RGS7: variants seen among roughly 807,000 people sequenced by gnomAD.
The protein encoded by RGS7 is regulator of G protein signaling 7, also known as regulator of G-protein signaling 7.
In RGS7, 27 loss-of-function variants were observed where a neutral mutation model predicts 81.1. The observed-to-expected ratio is 0.33, with a 90% CI of 0.25 to 0.46. The LOEUF is 0.46. RGS7 is among the 20% of genes least tolerant of loss of function. The probability of loss-of-function intolerance (pLI) is 1.00; values close to 1 mark genes in which losing one functional copy is unlikely to be tolerated. For synonymous variants in RGS7, 208 were observed against 207.7 expected, an observed-to-expected ratio of 1.00 and a Z score of -0.01; for missense variants, 396 against 607.4, an observed-to-expected ratio of 0.65 and a Z score of 3.66.
chr1:241,135,746 T>C (rs2067462254), intron 2 of RGS7, among the ~76,000 whole-genome samples: 2 of 152,118 alleles, frequency 1.3e-5, no homozygotes, highest in African/African-American at 4.8e-5. Context: ...GCCGGCCTCG[T>C]GTCTATTAAA....
intron 2 of RGS7, among the ~76,000 whole-genome samples, chr1:241,352,998 A>G (rs6684948): frequency 0.97 from 147,998 of 152,304 alleles, 72,048 homozygotes; most frequent in East Asian, 1. Flanking sequence ...CACCACGAAT[A>G]TTCCCAGTTC....
At position 241,294,866 on chromosome 1, in the gene RGS7, C is replaced by T. The variant is rs575935704; in HGVS notation, c.78+60833G>A. ...AAGTCCAGGTGTGTAGGAGGCTACA[C>T]CATCTAGGTTTGTGTAAGTACACGC... On this transcript the variant is annotated intron_variant, in intron 2 of 18. Coordinates refer to ENST00000440928, the MANE Select transcript of RGS7 (RefSeq NM_001364886.1). 2.0e-5 allele frequency among the ~76,000 whole-genome samples: 3 copies of T among 152,128 alleles called. No individual in the cohort carries two copies. The South Asian group carries it at 6.2e-4, about 32-fold the overall frequency.
At chr1:241,228,019 G>A (rs2075422269) in intron 2 of RGS7, among the ~76,000 whole-genome samples, 1 of 152,160 alleles carries the variant, frequency 6.6e-6, no homozygotes, top group Admixed American at 6.5e-5. Context: ...ACAGGAGGTG[G>A]TGGTGAAAGT....
chr1:240,927,423 T>C (rs1674645518), intron 6 of RGS7, among the ~76,000 whole-genome samples: 1 of 152,158 alleles, frequency 6.6e-6, no homozygotes, highest in Admixed American at 6.5e-5. Context: ...AAAGTTGTCT[T>C]AGAAAAGACA....
At chr1:241,300,626 C>T (rs1307048254) in intron 2 of RGS7, among the ~76,000 whole-genome samples, 1 of 152,166 alleles carries the variant, frequency 6.6e-6, no homozygotes, top group East Asian at 1.9e-4. Context: ...AATAATATTC[C>T]ATTGTCTGGA....
intron 9 of RGS7, among the ~76,000 whole-genome samples, chr1:240,853,680 C>T (rs1660511146): frequency 6.6e-6 from 1 of 151,912 alleles, no homozygotes; most frequent in Admixed American, 6.6e-5. Flanking sequence ...CCGAGGCGGG[C>T]TGATCACGAG....
intron 2 of RGS7, among the ~76,000 whole-genome samples, chr1:241,195,460 G>C (rs141894093): frequency 6.6e-6 from 1 of 151,918 alleles, no homozygotes; most frequent in African/African-American, 2.4e-5. Context: ...TGGGTGAAAA[G>C]AGCAAGACTC....
chr1:241,190,389 T>C (rs934881880), intron 2 of RGS7, among the ~76,000 whole-genome samples: 1 of 152,100 alleles, frequency 6.6e-6, no homozygotes, highest in African/African-American at 2.4e-5. Flanking sequence ...AGAATTATGT[T>C]AAATCTGTAT....
At chr1:240,907,566 A>C (rs1671027388) in intron 6 of RGS7, among the ~76,000 whole-genome samples, 1 of 152,184 alleles carries the variant, frequency 6.6e-6, no homozygotes, top group Admixed American at 6.5e-5. Flanking sequence ...ACTTGAGCTT[A>C]AAAGGAGTAT....
intron 4 of RGS7, among the ~76,000 whole-genome samples, chr1:240,948,291 T>C (rs1252851160): frequency 6.6e-6 from 1 of 152,176 alleles, no homozygotes; most frequent in Non-Finnish European, 1.5e-5. Flanking sequence ...TGATCTACTC[T>C]CTGACAGTGA....
In RGS7 at chr1:240,836,600, C is replaced by T. The variant is rs538402022; in HGVS notation, c.610-9428G>A. On this transcript the variant is annotated intron_variant, in intron 9 of 18. Transcript: ENST00000440928. Reference sequence around the variant, plus strand: ...AAAGAAGAGAGGAATCCAAAATGATCCCTGGGTTGTATTTACATACAATGT... The same window carrying T: ...AAAGAAGAGAGGAATCCAAAATGATTCCTGGGTTGTATTTACATACAATGT... Among the ~76,000 whole-genome samples the T allele has an allele frequency of 9.4e-4, 143 of 152,290 alleles. 1 individual carries two copies. The South Asian group carries it at 0.013, about 14-fold the overall frequency.
intron 2 of RGS7, among the ~76,000 whole-genome samples, chr1:241,158,246 A>C (rs1277872450): frequency 1.3e-5 from 2 of 152,216 alleles, no homozygotes; most frequent in Non-Finnish European, 2.9e-5. Flanking sequence ...TATGTTTACT[A>C]TCTGGCCCTT....
At chr1:240,943,874 G>A (rs1488060257) in intron 4 of RGS7, among the ~76,000 whole-genome samples, 2 of 152,072 alleles carry the variant, frequency 1.3e-5, no homozygotes, top group African/African-American at 4.8e-5. Context: ...GAATAACAGG[G>A]ACAGAGAGAG....
intron 4 of RGS7, among the ~76,000 whole-genome samples, chr1:240,937,342 T>G (rs1464962355): frequency 1.6e-4 from 24 of 152,212 alleles, no homozygotes; most frequent in Admixed American, 1.4e-3. Flanking sequence ...TCGTTTTCCT[T>G]GCGACTCCCA....
At chr1:241,220,154 G>C (rs1356102826) in intron 2 of RGS7, among the ~76,000 whole-genome samples, 1 of 152,156 alleles carries the variant, frequency 6.6e-6, no homozygotes. Flanking sequence ...AGACCATGGA[G>C]AAAATGTATT....
intron 9 of RGS7, among the ~76,000 whole-genome samples, chr1:240,838,133 G>A (rs914474805): frequency 3.3e-5 from 5 of 152,114 alleles, no homozygotes; most frequent in East Asian, 1.9e-4. Flanking sequence ...TATTTCTCAC[G>A]GTTCTGGAGG....
intron 2 of RGS7, among the ~76,000 whole-genome samples, chr1:241,117,110 G>A (rs1286235978): frequency 6.6e-6 from 1 of 151,952 alleles, no homozygotes; most frequent in South Asian, 2.1e-4. Flanking sequence ...AAAAAAACAC[G>A]GCAAAAATGC....
rs962603195 is a variant in RGS7 at position 240,804,381 on chromosome 1, C to T, written c.1270-1388G>A. On this transcript the variant is annotated intron_variant, in intron 15 of 18. Coordinates refer to ENST00000440928, the MANE Select transcript of RGS7 (RefSeq NM_001364886.1). ...CATTTTACAGGTGAAGAAACTGAGG[C>T]GTGGAGAAGTGGTCACAGAGCAGAG... 5.3e-5 allele frequency among the ~76,000 whole-genome samples: 8 copies of T among 151,908 alleles called. No homozygotes were observed. The East Asian group carries it at 5.8e-4, about 11-fold the overall frequency.
At chr1:240,793,611 A>ATATATATATATATATTTTTTTTT in intron 18 of RGS7, among the ~76,000 whole-genome samples, 3 of 78,812 alleles carry the variant, frequency 3.8e-5, no homozygotes, top group African/African-American at 2.9e-4. Flanking sequence ...ATATATATAT[A>ATATATATATATATATTTTTTTTT]TTTTTTTTTT....
Sources: allele counts gnomAD v4.1 joint callset (sites outside exome capture counted in the v4.1 genomes callset), GRCh38; gene constraint gnomAD v4.1.1; transcripts MANE v1.5; gene names NCBI Gene and HGNC (gene_info 2026-07-23, HGNC 2026-07-21).